PSMA1: variants seen among roughly 807,000 people sequenced by gnomAD.
PSMA1 encodes the protein proteasome 20S subunit alpha 1, also known as proteasome subunit alpha type-1.
PSMA1 carries 3 observed loss-of-function variants against 38.4 expected under a neutral mutation model. That is an observed-to-expected ratio of 0.08 (90% CI 0.04 to 0.20). The LOEUF (loss-of-function observed/expected upper bound fraction) is 0.20, where lower values mean the gene tolerates loss of function less well. Among genes scored for constraint, PSMA1 ranks in the 10% least tolerant of loss-of-function variants. The pLI is 1.00. For synonymous variants in PSMA1, 101 were observed against 107.1 expected (o/e 0.94, Z 0.35); for missense variants, 227 against 325.3 (o/e 0.70, Z 2.32).
At chr11:14,638,585 ATTTTTTTTTTT>A (rs1162549899) in intron 1 of PSMA1, among the ~76,000 whole-genome samples, 1 of 8,092 alleles carries the variant, frequency 1.2e-4, no homozygotes, top group Non-Finnish European at 2.1e-4. Context: ...ATATATATAT[ATTTTTTTTTTT>A]TTTTTTTTTT....
chr11:14,515,198 G>A (rs957359701), intron 4 of PSMA1, among the ~76,000 whole-genome samples: 4 of 152,214 alleles, frequency 2.6e-5, no homozygotes, highest in Non-Finnish European at 5.9e-5. Flanking sequence ...TATTTGTTCA[G>A]TACTTATATT....
intron 8 of PSMA1, among the ~76,000 whole-genome samples, chr11:14,508,571 A>AAAAAAAAAAAAAAAAAG (rs1190465759): frequency 1.3e-5 from 2 of 149,572 alleles, no homozygotes; most frequent in African/African-American, 2.4e-5. Flanking sequence ...CAAAAAAAAA[A>AAAAAAAAAAAAAAAAAG]AAAAAACCCA....
At chr11:14,631,283 G>A (rs544764184) in intron 1 of PSMA1, among the ~76,000 whole-genome samples, 52 of 152,078 alleles carry the variant, frequency 3.4e-4, no homozygotes, top group African/African-American at 1.2e-3. Flanking sequence ...GATATTTCCT[G>A]CTTTCTCTTG....
At position 14,520,346 on chromosome 11, in the gene PSMA1, A is replaced by G. The variant is rs771760656; in HGVS notation, c.-47T>C. 9.3e-6 allele frequency: 15 copies of G among 1,614,106 alleles called. No homozygotes were observed. In the African/African-American group the frequency reaches 1.9e-4, roughly 20 times the overall value. ...GCGGCCTCCAGCAAAACTGAGAATC[A>G]AGGAGGTGCTGCCGAAAGTATCGCT... On this transcript the variant is annotated 5_prime_UTR_variant, in exon 1 of 10. Transcript: ENST00000396394.
chr11:14,542,371 A>G (rs1466602179), intron 2 of PSMA1, among the ~76,000 whole-genome samples: 2 of 152,024 alleles, frequency 1.3e-5, no homozygotes, highest in East Asian at 3.9e-4. Context: ...AAACCACTCT[A>G]TTTACCTTTC....
chr11:14,568,294 G>C (rs1215321216), intron 2 of PSMA1, among the ~76,000 whole-genome samples: 1 of 152,164 alleles, frequency 6.6e-6, no homozygotes, highest in Non-Finnish European at 1.5e-5. Flanking sequence ...AGAAAGAAAA[G>C]CTCCTTTGCT....
At chr11:14,642,143 T>C (rs1853215286) in intron 1 of PSMA1, among the ~76,000 whole-genome samples, 1 of 152,194 alleles carries the variant, frequency 6.6e-6, no homozygotes, top group African/African-American at 2.4e-5. Flanking sequence ...CTGAATTTGT[T>C]CTAATTTTCA....
At chr11:14,559,211 A>G (rs1056310987) in intron 2 of PSMA1, among the ~76,000 whole-genome samples, 2 of 152,230 alleles carry the variant, frequency 1.3e-5, no homozygotes, top group Non-Finnish European at 2.9e-5. Context: ...TTTATAATTC[A>G]GAAATTGGAA....
intron 5 of PSMA1, 94 bp from the exon 6 acceptor site, chr11:14,513,981 TTTAA>T: frequency 1.4e-6 from 2 of 1,401,370 alleles, no homozygotes; most frequent in African/African-American, 1.5e-5. Context: ...TGGCTTATTC[TTTAA>T]TTGTTGCATA....
intron 2 of PSMA1, among the ~76,000 whole-genome samples, chr11:14,604,801 G>A (rs1852621923): frequency 6.6e-6 from 1 of 152,120 alleles, no homozygotes; most frequent in South Asian, 2.1e-4. Flanking sequence ...ACTTATAAGT[G>A]AGAACATGTG....
chr11:14,637,690 G>C (rs1038800076), intron 1 of PSMA1, among the ~76,000 whole-genome samples: 2 of 151,970 alleles, frequency 1.3e-5, no homozygotes, highest in Non-Finnish European at 2.9e-5. Flanking sequence ...ATGAAATTAA[G>C]ATAATATTAT....
intron 1 of PSMA1, among the ~76,000 whole-genome samples, chr11:14,630,773 C>T (rs1217402793): frequency 1.3e-5 from 2 of 152,002 alleles, no homozygotes; most frequent in Non-Finnish European, 2.9e-5. Context: ...TGGTATAATT[C>T]GGCTGTGAAT....
At chr11:14,597,352 C>T (rs1852510289) in intron 2 of PSMA1, among the ~76,000 whole-genome samples, 1 of 152,130 alleles carries the variant, frequency 6.6e-6, no homozygotes, top group South Asian at 2.1e-4. Context: ...TGGTAGAATT[C>T]GGTTGTGAAT....
At chr11:14,541,493 T>C (rs887780504) in intron 2 of PSMA1, among the ~76,000 whole-genome samples, 5 of 152,208 alleles carry the variant, frequency 3.3e-5, no homozygotes, top group South Asian at 2.1e-4. Flanking sequence ...TCCAGTTGAG[T>C]TGGCTCAAGA....
rs143416995 is a variant in PSMA1 at position 14,574,942 on chromosome 11, G to A, written c.21+36024C>T. Among the ~76,000 whole-genome samples the A allele has an allele frequency of 4.9e-3, 742 of 152,314 alleles. 33 individuals are homozygous for A. The East Asian group carries it at 0.11, about 22-fold the overall frequency. On this transcript the variant is annotated intron_variant, in intron 2 of 10. Transcript: ENST00000418988. ...GAAGTGACTTTGGAACTGGGTAACA[G>A]GCAGAGGTTGGAACAGTTTGGAGGG...
intron 2 of PSMA1, among the ~76,000 whole-genome samples, chr11:14,592,383 T>TAC: frequency 7.8e-6 from 1 of 128,512 alleles, no homozygotes; most frequent in Non-Finnish European, 1.6e-5. Context: ...TCTCTATATA[T>TAC]ATATATATAT....
At chr11:14,570,371 G>A (rs1852123356) in intron 2 of PSMA1, among the ~76,000 whole-genome samples, 1 of 152,180 alleles carries the variant, frequency 6.6e-6, no homozygotes, top group African/African-American at 2.4e-5. Flanking sequence ...TGACTTAGAC[G>A]AGTTGAGAGA....
chr11:14,572,078 C>A (rs953244263), intron 2 of PSMA1, among the ~76,000 whole-genome samples: 2 of 152,148 alleles, frequency 1.3e-5, no homozygotes, highest in Non-Finnish European at 2.9e-5. Flanking sequence ...GAATTTAACA[C>A]CCCACTGTCA....
At chr11:14,575,001 A>G (rs1245838253) in intron 2 of PSMA1, among the ~76,000 whole-genome samples, 2 of 152,210 alleles carry the variant, frequency 1.3e-5, no homozygotes, top group Non-Finnish European at 2.9e-5. Context: ...TGGAAACTTT[A>G]GCACTTCCTA....
Sources: allele counts gnomAD v4.1 joint callset (sites outside exome capture counted in the v4.1 genomes callset), GRCh38; gene constraint gnomAD v4.1.1; transcripts MANE v1.5; gene names NCBI Gene and HGNC (gene_info 2026-07-23, HGNC 2026-07-21).